WDR87: variants seen among roughly 807,000 people sequenced by gnomAD.
The protein encoded by WDR87 is WD repeat domain 87, also known as WD repeat-containing protein 87.
A neutral mutation model predicts 83.3 loss-of-function variants in WDR87; 56 were observed. The ratio of observed to expected loss-of-function variants is 0.67; its 90% CI spans 0.54 to 0.84. The LOEUF (loss-of-function observed/expected upper bound fraction) is 0.84, where lower values mean the gene tolerates loss of function less well. WDR87 is among the 40% of genes least tolerant of loss of function. The pLI is 0.00. For missense variants in WDR87, 2,939 were observed against 3,431.9 expected, an observed-to-expected ratio of 0.86 and a Z score of 3.59; for synonymous variants, 1,173 against 1,250.6, an observed-to-expected ratio of 0.94 and a Z score of 1.31.
At position 37,894,885 on chromosome 19, in the gene WDR87, C is replaced by T. The variant is rs1007526133; in HGVS notation, c.818G>A (p.Gly273Asp). The T allele has an allele frequency of 1.3e-6, 2 of 1,551,536 alleles. No individual in the cohort carries two copies. Among genetic ancestry groups the T allele is most frequent in the African/African-American group, 1.4e-5 (1 of 73,036 alleles). Residue 273 changes from glycine (G) to aspartate (D), a missense_variant, in exon 4 of 6, where the codon GGC becomes GAC. Gly to Asp is a moderately conservative substitution (Grantham distance 94). This residue lies in a region of WDR87 where 553 missense variants were observed against 577.9 expected (regional missense o/e 0.96). Transcript: ENST00000447313. ...GGCCTGGAAACTGTGGAGTGGATGG[C>T]CCTGCTGGAGGCTCCAAACTTGGAT... ...GEIQVWSLQQ[G>D]HPLHSFQAHQ...
In WDR87 at chr19:37,894,329, A is replaced by G. The variant is rs756976877; in HGVS notation, c.1374T>C (p.Phe458=). 172 of 1,551,676 alleles carry G rather than the reference A, an allele frequency of 1.1e-4. 2 individuals are homozygous for G. The highest frequency in any genetic ancestry group is 8.9e-4 in the South Asian group (75 of 84,062). Residue 458 remains phenylalanine, a synonymous_variant, in exon 4 of 6, where the codon TTT becomes TTC. Coordinates refer to ENST00000447313, the MANE Select transcript of WDR87 (RefSeq NM_001291088.2). ...LLGTSPNSQD[F]VQCLAYGHFN... ...AATGCCCATAAGCCAGGCATTGTAC[A>G]AAGTCCTGAGAATTTGGTGAGGTGC... is the stretch of plus-strand genomic sequence containing the variant.
In WDR87 at chr19:37,890,413, A is replaced by AC. The variant is rs375306139; in HGVS notation, c.3395-138_3395-137insG. ...AGAGAACTGAGGCCTTAAAAAAAAA[A>AC]AGCATTCTCTTTGCTTTATTCCTAG... On this transcript the variant is annotated intron_variant, in intron 5 of 5. Transcript: ENST00000447313. 0.3 allele frequency: 340,781 copies of AC among 1,152,312 alleles called. 40,274 individuals are homozygous for AC. The highest frequency in any genetic ancestry group is 0.33 in the Non-Finnish European group (287,139 of 882,008). 71.4% of individuals were successfully genotyped at this position (1,152,312 alleles called of 1,614,324 possible).
rs1242301171 is a variant in WDR87 at position 37,885,600 on chromosome 19, G to T, written c.8071C>A (p.Gln2691Lys). ...LGEPYRSERA[Q>K]QISIAHKEME... Reference sequence around the variant, plus strand: ...TCCTTGTGAGCAATGGATATCTGCTGTGCCCTCTCACTTCTGTAAGGTTCT... The same window carrying T: ...TCCTTGTGAGCAATGGATATCTGCTTTGCCCTCTCACTTCTGTAAGGTTCT... Residue 2691 changes from glutamine (Q) to lysine (K), a missense_variant, in exon 6 of 6, where the codon CAG becomes AAG. Transcript: ENST00000447313. The T allele has an allele frequency of 2.6e-6, 4 of 1,551,610 alleles. No individual in the cohort carries two copies. The highest frequency in any genetic ancestry group is 4.9e-5 in the East Asian group (2 of 40,936).
In WDR87 at chr19:37,893,084, A is replaced by G; in HGVS notation, c.2619T>C (p.Asn873=). 6.4e-7 allele frequency: 1 copy of G among 1,551,682 alleles called. No individual in the cohort carries two copies. The highest frequency in any genetic ancestry group is 8.7e-7 in the Non-Finnish European group (1 of 1,146,994). Residue 873 remains asparagine, a synonymous_variant, in exon 4 of 6, where the codon AAT becomes AAC. Coordinates refer to ENST00000447313, the MANE Select transcript of WDR87 (RefSeq NM_001291088.2). ...FWHSRVRAIS[N]TEYPKNKEED... is the part of the protein sequence containing the mutation. Reference sequence around the variant, plus strand: ...CCTCCTTATTCTTTGGATATTCTGTATTACTTATAGCTCTTACCCTGCTGT... The same window carrying G: ...CCTCCTTATTCTTTGGATATTCTGTGTTACTTATAGCTCTTACCCTGCTGT...
At position 37,887,777 on chromosome 19, in the gene WDR87, T is replaced by G. The variant is rs754018555; in HGVS notation, c.5894A>C (p.Lys1965Thr). The G allele has an allele frequency of 1.4e-5, 21 of 1,552,086 alleles. No homozygotes were observed. In the South Asian group the frequency reaches 2.3e-4, roughly 17 times the overall value. Residue 1965 changes from lysine (K) to threonine (T), a missense_variant, in exon 6 of 6, where the codon AAA (lysine) becomes ACA (threonine). Coordinates refer to ENST00000447313, the MANE Select transcript of WDR87 (RefSeq NM_001291088.2). ...TTTTTCCTGGGCCAATTTCTCCTGT[T>G]TTTTGGCCAAACTATCCTCTACTTG... ...LVQVEDSLAK[K>T]QEKLAQEKMK...
chr19:37,888,775 CCT>C lies in WDR87; in HGVS notation c.4894_4895del (p.Arg1632GlufsTer34). 1 of 1,551,824 alleles carries C rather than the reference CCT, an allele frequency of 6.4e-7. No homozygotes were observed. Among genetic ancestry groups the C allele is most frequent in the Non-Finnish European group, 8.7e-7 (1 of 1,147,026 alleles). ...GTTTCTCTTCTTCTTGTGCTAATTT[CCT>C]CTCTTCTTGGGCTCGTTTTTTTTCA... ...RAEKKRAQEE[R>X]KLAQEEEKLA... is the part of the protein sequence containing the mutation. On this transcript the variant is annotated frameshift_variant, in exon 6 of 6. Transcript: ENST00000447313. LOFTEE classifies it low-confidence loss of function (END_TRUNC).
chr19:37,888,607 C>A lies in WDR87; in HGVS notation c.5064G>T (p.Glu1688Asp). Residue 1688 changes from glutamate (E) to aspartate (D), a missense_variant, in exon 6 of 6, where the codon GAG (glutamate) becomes GAT (aspartate). Glu to Asp is a conservative substitution (Grantham distance 45). This residue lies in a region of WDR87 where 2,160 missense variants were observed against 2,533.1 expected (regional missense o/e 0.85). Coordinates refer to ENST00000447313, the MANE Select transcript of WDR87 (RefSeq NM_001291088.2). The stretch of plus-strand genomic sequence containing the variant: ...ATTTCTCCGCCTCCTGGCTTAGCTT[C>A]TCCCCTCTTTGGGCCAGTGTTTCCT... The part of the protein sequence containing the change: ...QKEETLAQRG[E>D]KLSQEAEKLA... The A allele has an allele frequency of 6.4e-7, 1 of 1,551,998 alleles. No individual in the cohort carries two copies. Among genetic ancestry groups the A allele is most frequent in the Non-Finnish European group, 8.7e-7 (1 of 1,147,072 alleles).
chr19:37,887,286 G>A lies in WDR87; in HGVS notation c.6385C>T (p.Leu2129=). Residue 2129 remains leucine (L), a synonymous_variant, in exon 6 of 6, where the codon CTA becomes TTA. Transcript: ENST00000447313. ...LQKLTRDERK[L]TQEEIKMTKM... The stretch of plus-strand genomic sequence containing the variant: ...GTCATTTTTATTTCTTCCTGTGTTA[G>A]TTTCCTTTCATCCCTGGTTAGTTTT... The A allele has an allele frequency of 6.4e-7, 1 of 1,551,258 alleles. No homozygotes were observed. The highest frequency in any genetic ancestry group is 8.7e-7 in the Non-Finnish European group (1 of 1,146,864).
chr19:37,896,600 G>A (rs1241134747), intron 2 of WDR87, among the ~76,000 whole-genome samples: 2 of 152,076 alleles, frequency 1.3e-5, no homozygotes, highest in East Asian at 3.8e-4. Context: ...AGTTAGCCAT[G>A]CCTGCCCTCT....
rs933629882 is a variant in WDR87 at position 37,894,391 on chromosome 19, T to G, written c.1312A>C (p.Thr438Pro). 3 of 1,551,722 alleles carry G rather than the reference T, an allele frequency of 1.9e-6. No individual in the cohort carries two copies. Among genetic ancestry groups the G allele is most frequent in the Non-Finnish European group, 1.7e-6 (2 of 1,147,002 alleles). ...TTGGCTGGGCAAGGGCAGCGGGTTG[T>G]GTCAAATACCAGAACCTCTGAGCTG... ...TGSSEVLVFD[T>P]TRCPCPAKYL... Residue 438 changes from threonine to proline, a missense_variant, in exon 4 of 6, where the codon ACA becomes CCA. Thr to Pro is a conservative substitution (Grantham distance 38). Coordinates refer to ENST00000447313, the MANE Select transcript of WDR87 (RefSeq NM_001291088.2).
At position 37,886,650 on chromosome 19, in the gene WDR87, T is replaced by C. The variant is rs985263085; in HGVS notation, c.7021A>G (p.Lys2341Glu). 1 of 1,514,582 alleles carries C rather than the reference T, an allele frequency of 6.6e-7. No homozygotes were observed. The highest frequency in any genetic ancestry group is 1.2e-5 in the South Asian group (1 of 80,978). 93.8% of individuals were successfully genotyped at this position (1,514,582 alleles called of 1,614,324 possible). A position where few individuals can be genotyped will look rare whatever the true frequency, so the allele number is the denominator to read the frequency against. The change falls in exon 6 of 6, where the codon AAG (lysine) becomes GAG (glutamate). Residue 2341 changes from lysine (K) to glutamate (E), a missense_variant. Lys to Glu is a moderately conservative substitution (Grantham distance 56, BLOSUM62 1). Around this residue, in one of 3 missense-constraint regions of WDR87, gnomAD observed 2,160 missense variants for 2,533.1 expected, o/e 0.85. Coordinates refer to ENST00000447313, the MANE Select transcript of WDR87 (RefSeq NM_001291088.2). The stretch of plus-strand genomic sequence containing the variant: ...TCTTTCTCCTCAAACACTTCTTCCT[T>C]CTCCTGAACCTCCTCCTTCTTCTTT... ...KEKKKEEVQE[K>E]EEVFEEKEEI...
Position 37,885,978 on chromosome 19 carries a change from C to A in WDR87, c.7693G>T (p.Glu2565Ter). 1.9e-6 allele frequency: 3 copies of A among 1,552,078 alleles called. No homozygotes were observed. The highest frequency in any genetic ancestry group is 2.6e-6 in the Non-Finnish European group (3 of 1,147,070). The change falls in exon 6 of 6, where the codon GAG (glutamate) becomes TAG (stop). Residue 2565 changes from glutamate (E) to a stop codon, truncating the protein, a stop_gained. Transcript: ENST00000447313. LOFTEE classifies it low-confidence loss of function (END_TRUNC). ...QHADVSLSDV[E>*]WIRHVLERME... ...CGTTCTAGGACATGGCGGATCCACTCTACATCTGAGAGGCTTACGTCTGCA... is the reference window on the plus strand; with the variant it reads ...CGTTCTAGGACATGGCGGATCCACTATACATCTGAGAGGCTTACGTCTGCA...
chr19:37,895,681 C>T (rs1430902260), intron 3 of WDR87, among the ~76,000 whole-genome samples: 2 of 146,714 alleles, frequency 1.4e-5, no homozygotes, highest in East Asian at 4.0e-4. Flanking sequence ...GCAGGAGAAT[C>T]GCTTGAATTT....
At position 37,885,610 on chromosome 19, in the gene WDR87, ACTT is replaced by A; in HGVS notation, c.8058_8060del (p.Arg2686del). 1 of 1,551,584 alleles carries A rather than the reference ACTT, an allele frequency of 6.4e-7. No individual in the cohort carries two copies. The highest frequency in any genetic ancestry group is 1.7e-4 in the Middle Eastern group (1 of 5,994). On this transcript the variant is annotated inframe_deletion, in exon 6 of 6. Transcript: ENST00000447313. ...CAATGGATATCTGCTGTGCCCTCTC[ACTT>A]CTGTAAGGTTCTCCTAGAAGATGCC...
chr19:37,891,166 C>CT (rs34489328), intron 5 of WDR87, among the ~76,000 whole-genome samples: 72,023 of 137,382 alleles, frequency 0.52, 20,371 homozygotes, highest in East Asian at 0.81. Context: ...TGGTATCTCT[C>CT]TTTTTTTTTT....
chr19:37,903,344 A>G (rs1367741400), intron 1 of WDR87, among the ~76,000 whole-genome samples: 1 of 152,188 alleles, frequency 6.6e-6, no homozygotes, highest in Non-Finnish European at 1.5e-5. Context: ...CTGCATAGCT[A>G]GGGCTGGGGG....
At chr19:37,905,231 CAAAAA>C (rs556366437) in intron 1 of WDR87, among the ~76,000 whole-genome samples, 1 of 64,020 alleles carries the variant, frequency 1.6e-5, no homozygotes. Context: ...ACTCCGTCTC[CAAAAA>C]AAAAAAAAAA....
chr19:37,897,676 G>A (rs1361706074), intron 2 of WDR87, among the ~76,000 whole-genome samples: 1 of 151,858 alleles, frequency 6.6e-6, no homozygotes, highest in Non-Finnish European at 1.5e-5. Context: ...TTGAGCTCAG[G>A]AGTTCACGAC....
chr19:37,896,839 T>TG (rs2046259709), intron 2 of WDR87, among the ~76,000 whole-genome samples: 1 of 152,098 alleles, frequency 6.6e-6, no homozygotes, highest in South Asian at 2.1e-4. Flanking sequence ...ACGCTGGTCT[T>TG]GAACTCCAGA....
Sources: allele counts gnomAD v4.1 joint callset (sites outside exome capture counted in the v4.1 genomes callset), GRCh38; gene constraint gnomAD v4.1.1; regional missense constraint gnomAD v4.1.1; transcripts MANE v1.5; gene names NCBI Gene and HGNC (gene_info 2026-07-23, HGNC 2026-07-21).